TCF12: variants seen among roughly 807,000 people sequenced by gnomAD.
TCF12 encodes the protein transcription factor 12.
Under a neutral mutation model 86.0 loss-of-function variants are expected in TCF12, and 45 were observed. That is an observed-to-expected ratio of 0.52 (90% CI 0.41 to 0.67). The LOEUF (loss-of-function observed/expected upper bound fraction) is 0.67. Among genes scored for constraint, TCF12 ranks in the 30% least tolerant of loss-of-function variants. The probability of loss-of-function intolerance (pLI) is 0.00; values close to 1 mark genes in which losing one functional copy is unlikely to be tolerated. For missense variants in TCF12, 881 were observed against 859.9 expected (o/e 1.02, Z -0.31); for synonymous variants, 330 against 299.6 (o/e 1.10, Z -1.05).
At chr15:57,223,660 T>TTTTTTG (rs2058727503) in intron 8 of TCF12, among the ~76,000 whole-genome samples, 3 of 145,392 alleles carry the variant, frequency 2.1e-5, no homozygotes, top group Admixed American at 6.9e-5. Context: ...TTTTTTTTTT[T>TTTTTTG]TTTTTTTTTT....
intron 3 of TCF12, among the ~76,000 whole-genome samples, chr15:56,962,373 T>C (rs1379511627): frequency 6.6e-6 from 1 of 152,192 alleles, no homozygotes; most frequent in African/African-American, 2.4e-5. Flanking sequence ...TTTTCCTTTA[T>C]TAGATAAAAG....
intron 3 of TCF12, among the ~76,000 whole-genome samples, chr15:56,937,286 G>A (rs924543343): frequency 6.6e-5 from 10 of 151,584 alleles, no homozygotes; most frequent in Non-Finnish European, 1.0e-4. Context: ...CGCTGTTGGT[G>A]TATAGTAGAG....
chr15:57,282,399 C>T, intron 19 of TCF12, 46 bp from the exon 20 acceptor site: 1 of 1,611,562 alleles, frequency 6.2e-7, no homozygotes, highest in African/African-American at 1.3e-5. Context: ...AGACCTAATT[C>T]ATAACTTAAA....
intron 3 of TCF12, among the ~76,000 whole-genome samples, chr15:56,951,744 G>C (rs1371601764): frequency 6.6e-6 from 1 of 152,134 alleles, no homozygotes; most frequent in East Asian, 1.9e-4. Context: ...CGACCATCCA[G>C]GCTCAAGCAA....
At chr15:56,987,914 A>G (rs1032482193) in intron 3 of TCF12, among the ~76,000 whole-genome samples, 33 of 152,344 alleles carry the variant, frequency 2.2e-4, no homozygotes, top group Middle Eastern at 3.4e-3. Flanking sequence ...CACAGTAAAG[A>G]TGAAACTTTG....
intron 3 of TCF12, among the ~76,000 whole-genome samples, chr15:56,948,421 G>T (rs947649086): frequency 2.0e-5 from 3 of 152,184 alleles, no homozygotes; most frequent in Non-Finnish European, 2.9e-5. Flanking sequence ...CAGAACATCA[G>T]AGTTCATATT....
chr15:57,037,387 G>A (rs544961665), intron 3 of TCF12, among the ~76,000 whole-genome samples: 1 of 152,224 alleles, frequency 6.6e-6, no homozygotes, highest in East Asian at 1.9e-4. Flanking sequence ...GTTACAGTGA[G>A]CCGAGATCGT....
chr15:56,921,066 C>A lies in TCF12; in HGVS notation c.116C>A (p.Thr39Asn). ...GTTAATAGTGGGAAAACTAGACCAA[C>A]TACACTGGGAAGCAGTCAATTCAGT... ...PPVNSGKTRP[T>N]TLGSSQFSGS... Residue 39 changes from threonine to asparagine, a missense_variant, in exon 3 of 21, where the codon ACT (threonine) becomes AAT (asparagine). Around this residue, in one of 3 missense-constraint regions of TCF12, gnomAD observed 766 missense variants for 718.9 expected, o/e 1.07. Transcript: ENST00000333725. 1 of 1,608,858 alleles carries A rather than the reference C, an allele frequency of 6.2e-7. No homozygotes were observed.
chr15:57,033,483 C>A (rs988967514), intron 3 of TCF12, among the ~76,000 whole-genome samples: 10 of 152,038 alleles, frequency 6.6e-5, no homozygotes, highest in African/African-American at 2.4e-4. Flanking sequence ...AATGTTTTCC[C>A]CACATTATTG....
Position 57,166,430 on chromosome 15 carries a change from C to A in TCF12, c.354C>A (p.Ser118=). The change falls in exon 6 of 21, where the codon TCC becomes TCA. Residue 118 remains serine, a synonymous_variant. Transcript: ENST00000333725. ...AAACATCAGAGAGAGGCTCATTTTCCCTGTACAGCAGAGATACTGGATTAC... is the reference window on the plus strand; with the variant it reads ...AAACATCAGAGAGAGGCTCATTTTCACTGTACAGCAGAGATACTGGATTAC... The part of the protein sequence containing the change: ...MGKTSERGSF[S]LYSRDTGLPG... The A allele has an allele frequency of 4.4e-6, 7 of 1,609,172 alleles. No homozygotes were observed. Among genetic ancestry groups the A allele is most frequent in the South Asian group, 1.1e-5 (1 of 89,968 alleles).
chr15:57,184,840 C>G (rs566608856), intron 6 of TCF12, among the ~76,000 whole-genome samples: 2 of 152,112 alleles, frequency 1.3e-5, no homozygotes, highest in Non-Finnish European at 2.9e-5. Context: ...TCATACTACT[C>G]TCACATAACA....
intron 5 of TCF12, among the ~76,000 whole-genome samples, chr15:57,156,619 C>T (rs189947915): frequency 6.6e-6 from 1 of 152,218 alleles, no homozygotes; most frequent in African/African-American, 2.4e-5. Context: ...TCTCTGCCTT[C>T]ATATGGCTTT....
chr15:57,114,141 C>T (rs185137402), intron 5 of TCF12, among the ~76,000 whole-genome samples: 1 of 152,226 alleles, frequency 6.6e-6, no homozygotes, highest in Admixed American at 6.5e-5. Flanking sequence ...GTTTATCTCA[C>T]TAATATGTGA....
At chr15:56,953,253 A>C (rs896430281) in intron 3 of TCF12, among the ~76,000 whole-genome samples, 16 of 151,834 alleles carry the variant, frequency 1.1e-4, no homozygotes, top group Admixed American at 1.3e-4. Context: ...GATTTGTTAA[A>C]TTTTATTTAG....
At chr15:56,953,118 C>T (rs1318727209) in intron 3 of TCF12, among the ~76,000 whole-genome samples, 1 of 151,914 alleles carries the variant, frequency 6.6e-6, no homozygotes, top group Non-Finnish European at 1.5e-5. Flanking sequence ...CATAGGTTTT[C>T]TTTGTTAATT....
intron 3 of TCF12, among the ~76,000 whole-genome samples, chr15:56,927,834 T>G (rs1297083441): frequency 1.3e-5 from 2 of 152,198 alleles, no homozygotes; most frequent in Non-Finnish European, 2.9e-5. Context: ...ATGTATAAAA[T>G]TAGTGACTTT....
chr15:56,992,179 G>A (rs2063493201), intron 3 of TCF12, among the ~76,000 whole-genome samples: 1 of 152,202 alleles, frequency 6.6e-6, no homozygotes, highest in South Asian at 2.1e-4. Context: ...GCTGAGGTGG[G>A]AGGATGATGT....
rs1190319703 is a variant in TCF12, at chr15:56,981,077, CATGAACTTGTA to C, written c.148+59982_148+59992del. 2.6e-5 allele frequency among the ~76,000 whole-genome samples: 4 copies of C among 152,304 alleles called. No individual in the cohort carries two copies. In the East Asian group the frequency reaches 7.7e-4, roughly 29 times the overall value. ...GGACTAATGATGATTTATCTAACAA[CATGAACTTGTA>C]ATAGTCATGTGGGGGACACTACATT... On this transcript the variant is annotated intron_variant, in intron 3 of 20. Coordinates refer to ENST00000333725, the MANE Select transcript of TCF12 (RefSeq NM_207037.2).
At chr15:56,947,303 G>A (rs1245162271) in intron 3 of TCF12, among the ~76,000 whole-genome samples, 4 of 152,252 alleles carry the variant, frequency 2.6e-5, no homozygotes, top group African/African-American at 9.6e-5. Context: ...TTTACTGTGT[G>A]TGTGTGTGAT....
Sources: allele counts gnomAD v4.1 joint callset (sites outside exome capture counted in the v4.1 genomes callset), GRCh38; gene constraint gnomAD v4.1.1; regional missense constraint gnomAD v4.1.1; transcripts MANE v1.5; gene names NCBI Gene and HGNC (gene_info 2026-07-23, HGNC 2026-07-21).